POFUT3: variants seen among roughly 807,000 people sequenced by gnomAD.
The protein encoded by POFUT3 is GDP-fucose protein O-fucosyltransferase 3.
chr8:33,469,177 G>A, the POFUT3 span, among the ~76,000 whole-genome samples: 3 of 152,052 alleles, frequency 2.0e-5, no homozygotes, highest in Admixed American at 2.0e-4. Flanking sequence ...GTGGTGGTGC[G>A]TGCCTATAGC....
chr8:33,342,568 C>A, the POFUT3 span, among the ~76,000 whole-genome samples: 1 of 151,870 alleles, frequency 6.6e-6, no homozygotes, highest in Admixed American at 6.6e-5. Flanking sequence ...GATGTTCAAT[C>A]TTATTAGCCA....
chr8:33,325,192 C>T, the POFUT3 span, among the ~76,000 whole-genome samples: 1 of 152,170 alleles, frequency 6.6e-6, no homozygotes, highest in African/African-American at 2.4e-5. Context: ...TCATAGCCAA[C>T]TACCACACTT....
At chr8:33,397,700 G>C in the POFUT3 span, among the ~76,000 whole-genome samples, 1 of 152,138 alleles carries the variant, frequency 6.6e-6, no homozygotes, top group East Asian at 1.9e-4. Context: ...AGTTATTAAA[G>C]ACCACATACA....
the POFUT3 span, among the ~76,000 whole-genome samples, chr8:33,359,937 C>T: frequency 3.9e-5 from 6 of 151,956 alleles, no homozygotes; most frequent in Non-Finnish European, 8.8e-5. Context: ...ACCCGGGAGG[C>T]GGAGGTTGCA....
the POFUT3 span, among the ~76,000 whole-genome samples, chr8:33,394,787 C>A: frequency 6.6e-6 from 1 of 152,084 alleles, no homozygotes; most frequent in Admixed American, 6.5e-5. Context: ...AGAAAAATTT[C>A]TTCCAGATAC....
the POFUT3 span, among the ~76,000 whole-genome samples, chr8:33,411,018 C>T: frequency 1.3e-5 from 2 of 152,236 alleles, no homozygotes; most frequent in East Asian, 3.9e-4. Context: ...CTGGAGAAAG[C>T]CACTGGGTGT....
the POFUT3 span, among the ~76,000 whole-genome samples, chr8:33,320,268 A>T: frequency 3.3e-5 from 5 of 152,018 alleles, no homozygotes; most frequent in Non-Finnish European, 7.4e-5. Flanking sequence ...GAAGAGTATA[A>T]CCCAACATTG....
At chr8:33,436,307 G>GC in the POFUT3 span, 1 of 1,334,802 alleles carries the variant, frequency 7.5e-7, no homozygotes, top group Non-Finnish European at 1.1e-6. Flanking sequence ...TGTTATCAAG[G>GC]CCCTTGATGG....
the POFUT3 span, among the ~76,000 whole-genome samples, chr8:33,414,087 T>C: frequency 6.6e-6 from 1 of 152,140 alleles, no homozygotes; most frequent in South Asian, 2.1e-4. Flanking sequence ...AGGAAACTTA[T>C]TTCCAAAAGA....
chr8:33,345,826 CTTTT>C, the POFUT3 span, among the ~76,000 whole-genome samples: 2 of 137,678 alleles, frequency 1.5e-5, no homozygotes. Context: ...GTATTTATTA[CTTTT>C]TTTTTTTTTT....
chr8:33,369,176 C>T, the POFUT3 span, among the ~76,000 whole-genome samples: 1 of 152,210 alleles, frequency 6.6e-6, no homozygotes, highest in Non-Finnish European at 1.5e-5. Context: ...AACACTAGCT[C>T]ATCACAATAA....
the POFUT3 span, among the ~76,000 whole-genome samples, chr8:33,357,390 G>C: frequency 6.6e-6 from 1 of 151,708 alleles, no homozygotes; most frequent in Middle Eastern, 3.2e-3. Flanking sequence ...AAGAATTTTA[G>C]GGGCCTATTA....
the POFUT3 span, among the ~76,000 whole-genome samples, chr8:33,439,144 G>A: frequency 9.9e-5 from 15 of 152,178 alleles, no homozygotes; most frequent in African/African-American, 3.1e-4. Context: ...GGTGGCTCAC[G>A]CCTGTAATCC....
chr8:33,430,456 T>C, the POFUT3 span, among the ~76,000 whole-genome samples: 3 of 152,086 alleles, frequency 2.0e-5, no homozygotes, highest in African/African-American at 4.8e-5. Context: ...ACATCATGTA[T>C]GAAAATAAAA....
the POFUT3 span, among the ~76,000 whole-genome samples, chr8:33,463,586 C>G: frequency 1.3e-5 from 2 of 152,108 alleles, no homozygotes; most frequent in East Asian, 3.9e-4. Flanking sequence ...CCTCTGTCAC[C>G]CAGGCTGAAG....
At chr8:33,442,149 G>GTAGAGATGGGTTTCACCATT in the POFUT3 span, among the ~76,000 whole-genome samples, 1 of 151,904 alleles carries the variant, frequency 6.6e-6, no homozygotes, top group Admixed American at 6.6e-5. Context: ...TTTTTGTTTA[G>GTAGAGATGGGTTTCACCATT]TAGAGATGGG....
the POFUT3 span, among the ~76,000 whole-genome samples, chr8:33,446,454 T>TAAAAA: frequency 2.7e-5 from 2 of 74,218 alleles, no homozygotes; most frequent in African/African-American, 7.8e-5. Context: ...AAGATCCTAT[T>TAAAAA]ACAAAAAAAA....
the POFUT3 span, among the ~76,000 whole-genome samples, chr8:33,419,645 C>G: frequency 6.6e-6 from 1 of 152,082 alleles, no homozygotes; most frequent in African/African-American, 2.4e-5. Flanking sequence ...ATTATACATT[C>G]TATGCATGTA....
At chr8:33,448,482 T>C in the POFUT3 span, among the ~76,000 whole-genome samples, 6 of 152,054 alleles carry the variant, frequency 3.9e-5, no homozygotes, top group East Asian at 9.7e-4. Flanking sequence ...GAGCACACAG[T>C]CAGGAGTCAG....
Sources: gnomAD v4.1 joint callset for allele counts (sites outside exome capture counted in the v4.1 genomes callset) on GRCh38, gnomAD v4.1.1 for gene constraint, MANE v1.5 for transcripts, NCBI Gene and HGNC (gene_info 2026-07-23, HGNC 2026-07-21) for gene names.